The following KIF1A variants were observed in gnomAD, a reference collection of about 807,000 sequenced individuals.
KIF1A encodes kinesin family member 1A.
Under a neutral mutation model 227.3 loss-of-function variants are expected in KIF1A, and 46 were observed. The ratio of observed to expected loss-of-function variants is 0.20; its 90% CI spans 0.16 to 0.26. The LOEUF (loss-of-function observed/expected upper bound fraction) is 0.26. Among genes scored for constraint, KIF1A ranks in the 10% least tolerant of loss-of-function variants. The probability of loss-of-function intolerance (pLI) is 1.00; values close to 1 mark genes in which losing one functional copy is unlikely to be tolerated. For missense variants in KIF1A, 1,683 were observed against 2,485.9 expected (o/e 0.68, Z 6.87); for synonymous variants, 1,022 against 1,012.8 (o/e 1.01, Z -0.17).
At chr2:240,819,419 T>G (rs1392761843) in intron 1 of KIF1A, among the ~76,000 whole-genome samples, 1 of 151,942 alleles carries the variant, frequency 6.6e-6, no homozygotes. Flanking sequence ...GCTGGGTCTT[T>G]CTGGAAGGGA....
chr2:240,717,116 C>T lies in KIF1A; in HGVS notation c.*248G>A, dbSNP rs911386347. The T allele has an allele frequency of 1.1e-5, 5 of 472,644 alleles. No individual in the cohort carries two copies. In the South Asian group the frequency reaches 1.9e-4, roughly 18 times the overall value. The allele number at this position is 472,644 out of a possible 1,614,324, so 29.3% of individuals were successfully genotyped here. Reference sequence around the variant, plus strand: ...AACCCCCGTAACCTGTGCCCTTGGCCCCCCCAGCCTCTCCCAACTTGTTCC... The same window carrying T: ...AACCCCCGTAACCTGTGCCCTTGGCTCCCCCAGCCTCTCCCAACTTGTTCC... On this transcript the variant is annotated 3_prime_UTR_variant, in exon 49 of 49. Coordinates refer to ENST00000498729, the MANE Select transcript of KIF1A (RefSeq NM_001244008.2).
intron 1 of KIF1A, among the ~76,000 whole-genome samples, chr2:240,811,546 G>T (rs1156855808): frequency 6.6e-6 from 1 of 151,600 alleles, no homozygotes; most frequent in Non-Finnish European, 1.5e-5. Flanking sequence ...AAGGCGGGGG[G>T]TTGCGGTCCA....
rs1325527018 is a variant in KIF1A, at chr2:240,789,449, C to T, written c.107-137G>A. ...GCCAGGCCCCCAAATTGGAGGGGAC[C>T]TAGGACCCCACTCCCAGGCAGATGA... On this transcript the variant is annotated intron_variant, in intron 2 of 48. Transcript: ENST00000498729. The surrounding 1 kb of genome is among the most constrained non-coding windows in gnomAD (Gnocchi z 4.8). 2 of 683,380 alleles carry T rather than the reference C, an allele frequency of 2.9e-6. No homozygotes were observed. Among genetic ancestry groups the T allele is most frequent in the Non-Finnish European group, 5.2e-6 (2 of 381,492 alleles). The allele number at this position is 683,380 out of a possible 1,614,324, so 42.3% of individuals were successfully genotyped here. A position where few individuals can be genotyped will look rare whatever the true frequency, so the allele number is the denominator to read the frequency against.
chr2:240,714,126 C>T lies in KIF1A; in HGVS notation c.*3238G>A, dbSNP rs2044401123. The T allele has an allele frequency of 6.6e-6, 1 of 152,426 alleles. No individual in the cohort carries two copies. The highest frequency in any genetic ancestry group is 6.5e-5 in the Admixed American group (1 of 15,294). 9.4% of individuals were successfully genotyped at this position (152,426 alleles called of 1,614,324 possible). ...CACATGGGTGAGGCTGGCATAGGAC[C>T]AGTGCAGCAGCACAGTAAACACCTG... On this transcript the variant is annotated 3_prime_UTR_variant, in exon 49 of 49. Transcript: ENST00000498729.
At chr2:240,808,638 A>C (rs1191370527) in intron 1 of KIF1A, among the ~76,000 whole-genome samples, 1 of 152,024 alleles carries the variant, frequency 6.6e-6, no homozygotes, top group Admixed American at 6.6e-5. Context: ...ACACCACTGC[A>C]CTCCAGGCTG....
chr2:240,777,039 GTTTTGTTTTTGT>G (rs749970772), intron 10 of KIF1A, among the ~76,000 whole-genome samples: 8 of 152,054 alleles, frequency 5.3e-5, no homozygotes, highest in Non-Finnish European at 1.0e-4. Context: ...TTTTTCTTTT[GTTTTGTTTTTGT>G]TTTTGTTTTT....
chr2:240,737,289 T>C (rs762396595), intron 37 of KIF1A, 121 bp from the exon 38 acceptor site: 3 of 762,528 alleles, frequency 3.9e-6, no homozygotes, highest in Non-Finnish European at 7.1e-6. Flanking sequence ...AGAGCGTCTG[T>C]CAAAGGCGGT....
At position 240,740,988 on chromosome 2, in the gene KIF1A, A is replaced by G. The variant is rs2047888460; in HGVS notation, c.3749+281T>C. Among the ~76,000 whole-genome samples the G allele has an allele frequency of 6.6e-6, 1 of 151,696 alleles. No homozygotes were observed. Among genetic ancestry groups the G allele is most frequent in the Non-Finnish European group, 1.5e-5 (1 of 67,942 alleles). Reference sequence around the variant, plus strand: ...CCTCCCTGCCCTGCCCCTGAGCCATACCCTGGTTTGCTGTCCTAGTGCTCA... The same window carrying G: ...CCTCCCTGCCCTGCCCCTGAGCCATGCCCTGGTTTGCTGTCCTAGTGCTCA... On this transcript the variant is annotated intron_variant, in intron 35 of 48. Coordinates refer to ENST00000498729, the MANE Select transcript of KIF1A (RefSeq NM_001244008.2). The surrounding 1 kb of genome is among the most constrained non-coding windows in gnomAD (Gnocchi z 6.1).
chr2:240,758,576 A>G lies in KIF1A; in HGVS notation c.2445-79T>C, dbSNP rs2050142069. On this transcript the variant is annotated intron_variant, in intron 25 of 48. Coordinates refer to ENST00000498729, the MANE Select transcript of KIF1A (RefSeq NM_001244008.2). This position sits in a 1 kb window ranked among gnomAD's most constrained non-coding sequence, Gnocchi z 5.2. Reference sequence around the variant, plus strand: ...CACCGCACACCCTTATCTCCTGGGGACAGTGGGCTCAGCCTAGCTCTGGCC... The same window carrying G: ...CACCGCACACCCTTATCTCCTGGGGGCAGTGGGCTCAGCCTAGCTCTGGCC... 5.0e-6 allele frequency: 7 copies of G among 1,399,144 alleles called. No individual in the cohort carries two copies. The South Asian group carries it at 1.1e-4, about 22-fold the overall frequency. The allele number at this position is 1,399,144 out of a possible 1,614,324, so 86.7% of individuals were successfully genotyped here.
chr2:240,758,213 G>T lies in KIF1A; in HGVS notation c.2582+147C>A. 1.1e-6 allele frequency: 1 copy of T among 884,848 alleles called. No homozygotes were observed. The allele number at this position is 884,848 out of a possible 1,614,324, so 54.8% of individuals were successfully genotyped here. On this transcript the variant is annotated intron_variant, in intron 26 of 48. Coordinates refer to ENST00000498729, the MANE Select transcript of KIF1A (RefSeq NM_001244008.2). This position sits in a 1 kb window ranked among gnomAD's most constrained non-coding sequence, Gnocchi z 5.2. ...AGAGGAATGGCTGGGAGGAACCTCA[G>T]GCCAGGGAGGACAGGGCTGGGAATA...
At chr2:240,755,927 TG>T (rs1203894700) in intron 27 of KIF1A, among the ~76,000 whole-genome samples, 1 of 151,188 alleles carries the variant, frequency 6.6e-6, no homozygotes, top group African/African-American at 2.4e-5. Flanking sequence ...TGCTCCCTCT[TG>T]GGCCCTGCAG....
chr2:240,773,341 A>G (rs1016644330), intron 12 of KIF1A, 85 bp from the exon 13 acceptor site: 2 of 1,549,488 alleles, frequency 1.3e-6, no homozygotes, highest in African/African-American at 2.7e-5. Context: ...CCTGCCCAAG[A>G]CCCAGCCTTT....
At chr2:240,806,359 C>T (rs899316410) in intron 1 of KIF1A, among the ~76,000 whole-genome samples, 5 of 152,232 alleles carry the variant, frequency 3.3e-5, no homozygotes, top group Admixed American at 1.3e-4. Flanking sequence ...CACAAAAAGA[C>T]TGGGCCGTTG....
intron 28 of KIF1A, among the ~76,000 whole-genome samples, chr2:240,747,810 C>A (rs540981876): frequency 7.2e-5 from 11 of 152,354 alleles, no homozygotes; most frequent in African/African-American, 2.2e-4. Context: ...CCGGTGCATG[C>A]GCCCACACTC....
intron 42 of KIF1A, 99 bp from the exon 43 acceptor site, chr2:240,722,755 G>T: frequency 1.0e-6 from 1 of 953,968 alleles, no homozygotes; most frequent in Non-Finnish European, 1.5e-6. Flanking sequence ...GGCAGACCCC[G>T]GAGAGCCCAC....
At chr2:240,767,477 C>G (rs2051356962) in intron 17 of KIF1A, 132 bp from the exon 18 acceptor site, 2 of 709,708 alleles carry the variant, frequency 2.8e-6, no homozygotes, top group African/African-American at 3.5e-5. Context: ...GCTGGTGCCA[C>G]CAGGCTGGTC....
At chr2:240,805,107 G>GGGAGGGAGGGGGGAGGGAGGGC (rs2057301057) in intron 1 of KIF1A, among the ~76,000 whole-genome samples, 2 of 60,206 alleles carry the variant, frequency 3.3e-5, no homozygotes, top group Admixed American at 1.5e-4. Context: ...GGAGAGGGGA[G>GGGAGGGAGGGGGGAGGGAGGGC]GGAGGGAGAG....
At chr2:240,811,217 T>A (rs1310311072) in intron 1 of KIF1A, among the ~76,000 whole-genome samples, 1 of 151,990 alleles carries the variant, frequency 6.6e-6, no homozygotes, top group Admixed American at 6.6e-5. Flanking sequence ...ATACAAAAAT[T>A]AGCTCAGCGT....
intron 24 of KIF1A, among the ~76,000 whole-genome samples, 173 bp from the exon 25 acceptor site, chr2:240,761,016 GGCC>G (rs1181486088): frequency 1.3e-5 from 2 of 152,042 alleles, no homozygotes. Flanking sequence ...CTGCCCACCC[GGCC>G]GCCGTCTCCC....
Sources: allele counts gnomAD v4.1 joint callset (sites outside exome capture counted in the v4.1 genomes callset), GRCh38; gene constraint gnomAD v4.1.1; non-coding constraint Gnocchi (gnomAD v3.1); transcripts MANE v1.5; gene names NCBI Gene and HGNC (gene_info 2026-07-23, HGNC 2026-07-21).